Variants in WWC1 observed in about 807,000 individuals in gnomAD.
The protein encoded by WWC1 is WW and C2 domain containing 1.
Under a neutral mutation model 138.4 loss-of-function variants are expected in WWC1, and 55 were observed. That is an observed-to-expected ratio of 0.40 (90% CI 0.32 to 0.50). WWC1 has a LOEUF of 0.50. Ranked by LOEUF, WWC1 falls within the 20% of genes least tolerant of loss-of-function variation. The pLI is 0.72. For synonymous variants in WWC1, 524 were observed against 564.9 expected (o/e 0.93, Z 1.03); for missense variants, 1,226 against 1,420.4 (o/e 0.86, Z 2.20).
chr5:168,303,248 G>T (rs1287158956), intron 1 of WWC1, among the ~76,000 whole-genome samples: 1 of 152,194 alleles, frequency 6.6e-6, no homozygotes, highest in Non-Finnish European at 1.5e-5. Context: ...TTGTTTTGCT[G>T]ACCAAAGCCT....
chr5:168,377,599 C>A (rs1308996554), intron 2 of WWC1, among the ~76,000 whole-genome samples: 1 of 151,666 alleles, frequency 6.6e-6, no homozygotes, highest in Non-Finnish European at 1.5e-5. Context: ...AAACAAATAA[C>A]CCCATTAGAA....
chr5:168,291,988 C>G lies in WWC1; in HGVS notation c.-165C>G. 1 of 716,832 alleles carries G rather than the reference C, an allele frequency of 1.4e-6. No individual in the cohort carries two copies. Among genetic ancestry groups the G allele is most frequent in the Non-Finnish European group, 2.0e-6 (1 of 507,298 alleles). 44.4% of individuals were successfully genotyped at this position (716,832 alleles called of 1,614,324 possible). Reference sequence around the variant, plus strand: ...CGGGGCTGCAGGGCCGCATGGACAGCGGCGCCACCCCGGCCGGCCCCTACT... The same window carrying G: ...CGGGGCTGCAGGGCCGCATGGACAGGGGCGCCACCCCGGCCGGCCCCTACT... On this transcript the variant is annotated 5_prime_UTR_variant, in exon 1 of 23. Transcript: ENST00000265293.
In WWC1 at chr5:168,444,514, G is replaced by A; in HGVS notation, c.2454G>A (p.Leu818=). The A allele has an allele frequency of 1.3e-6, 2 of 1,592,880 alleles. No individual in the cohort carries two copies. Among genetic ancestry groups the A allele is most frequent in the Non-Finnish European group, 1.7e-6 (2 of 1,168,608 alleles). Residue 818 remains leucine, a synonymous_variant, in exon 17 of 23, where the codon TTG becomes TTA. Coordinates refer to ENST00000265293, the MANE Select transcript of WWC1 (RefSeq NM_015238.3). ...TATAGGACGCTGTGTCTGCTCTGTT[G>A]GAACAGACAGCAGTGGAGCTGGAGA... ...PASTDAVSAL[L]EQTAVELEKR... is the part of the protein sequence containing the mutation.
At chr5:168,431,154 C>A in intron 14 of WWC1, 98 bp from the exon 15 acceptor site, 1 of 1,087,992 alleles carries the variant, frequency 9.2e-7, no homozygotes, top group Non-Finnish European at 1.3e-6. Context: ...CTCTCATCCA[C>A]TGTTGTTTGC....
chr5:168,420,151 G>T (rs932139269), intron 9 of WWC1, among the ~76,000 whole-genome samples: 15 of 152,286 alleles, frequency 9.8e-5, no homozygotes, highest in Non-Finnish European at 1.8e-4. Flanking sequence ...AAGATGGTGC[G>T]TGAGTCTACT....
At chr5:168,301,195 T>C (rs1229425318) in intron 1 of WWC1, among the ~76,000 whole-genome samples, 1 of 152,204 alleles carries the variant, frequency 6.6e-6, no homozygotes, top group African/African-American at 2.4e-5. Context: ...AGCTCATTTT[T>C]CCACTATGGA....
intron 17 of WWC1, among the ~76,000 whole-genome samples, chr5:168,448,616 A>ATTTTTTTTTTTTT (rs756135846): frequency 8.5e-6 from 1 of 117,616 alleles, no homozygotes; most frequent in African/African-American, 3.5e-5. Flanking sequence ...CTCAAATAAG[A>ATTTTTTTTTTTTT]TTTTTTTTTT....
intron 8 of WWC1, among the ~76,000 whole-genome samples, chr5:168,410,928 TTG>T: frequency 6.9e-6 from 1 of 145,522 alleles, no homozygotes; most frequent in African/African-American, 2.6e-5. Context: ...TTCATGATCT[TTG>T]CTTTTTTTTT....
chr5:168,364,775 C>A (rs944203150), intron 1 of WWC1, among the ~76,000 whole-genome samples: 1 of 152,118 alleles, frequency 6.6e-6, no homozygotes, highest in East Asian at 1.9e-4. Context: ...ATACCCAGGC[C>A]CCAGAGCCGC....
chr5:168,404,223 A>G (rs1188946102), intron 5 of WWC1, among the ~76,000 whole-genome samples: 1 of 152,166 alleles, frequency 6.6e-6, no homozygotes, highest in Admixed American at 6.5e-5. Context: ...ATATGCTCCA[A>G]CAAACAACAA....
At chr5:168,451,239 C>G (rs1382242500) in intron 17 of WWC1, among the ~76,000 whole-genome samples, 5 of 152,024 alleles carry the variant, frequency 3.3e-5, no homozygotes, top group African/African-American at 1.2e-4. Flanking sequence ...TCAGGCTGGT[C>G]TCGAACTCCT....
intron 17 of WWC1, among the ~76,000 whole-genome samples, chr5:168,451,223 T>C (rs1755786716): frequency 6.6e-6 from 1 of 152,104 alleles, no homozygotes; most frequent in Non-Finnish European, 1.5e-5. Flanking sequence ...GGTTTTATCA[T>C]ATTGGTCAGG....
rs748838797 is a variant in WWC1 at position 168,404,011 on chromosome 5, GTGTTCCCTCTC to G, written c.591-2186_591-2176del. ...CTCCCCACCCAGCTTCATCCCAATAGTGTTCCCTCTCAGAGCCGCTCTCTGGAGCCAAATTC... is the reference window on the plus strand; with the variant it reads ...CTCCCCACCCAGCTTCATCCCAATAGAGAGCCGCTCTCTGGAGCCAAATTC... On this transcript the variant is annotated intron_variant, in intron 5 of 22. Transcript: ENST00000265293. 4.2e-3 allele frequency among the ~76,000 whole-genome samples: 637 copies of G among 151,444 alleles called. 7 individuals are homozygous for G. The highest frequency in any genetic ancestry group is 6.9e-3 in the Non-Finnish European group (467 of 67,906).
rs115940400 is a variant in WWC1 at position 168,431,425 on chromosome 5, G to A, written c.2261G>A (p.Ser754Asn). The A allele has an allele frequency of 3.4e-4, 549 of 1,612,556 alleles. 1 individual carries two copies. The African/African-American group carries it at 6.8e-3, about 20-fold the overall frequency. Reference protein sequence around the residue: ...LRVDVCTTDRSHLEECLGGAQ... With the variant: ...LRVDVCTTDRNHLEECLGGAQ... ...GTCGATGTCTGTACCACCGACAGGA[G>A]CCATCTGGAAGAGTGCCTGGTAAGG... The change falls in exon 15 of 23, where the codon AGC becomes AAC. Residue 754 changes from serine (S) to asparagine (N), a missense_variant. Transcript: ENST00000265293.
intron 11 of WWC1, among the ~76,000 whole-genome samples, chr5:168,427,548 A>ATTTTTTTT (rs34177139): frequency 3.2e-4 from 32 of 101,136 alleles, no homozygotes; most frequent in Non-Finnish European, 3.9e-4. Flanking sequence ...CTTTTTTTTA[A>ATTTTTTTT]TTTTTTTTTT....
intron 2 of WWC1, among the ~76,000 whole-genome samples, chr5:168,377,736 T>C (rs1777326370): frequency 6.6e-6 from 1 of 152,126 alleles, no homozygotes; most frequent in South Asian, 2.1e-4. Context: ...CGAGATACCA[T>C]CTCACACCAG....
intron 1 of WWC1, among the ~76,000 whole-genome samples, chr5:168,332,957 C>T (rs1250203220): frequency 6.6e-6 from 1 of 152,182 alleles, no homozygotes. Context: ...AATCTACCCT[C>T]CTCAGCCTCC....
intron 1 of WWC1, among the ~76,000 whole-genome samples, chr5:168,302,279 C>T (rs1290674300): frequency 2.0e-5 from 3 of 152,154 alleles, no homozygotes; most frequent in South Asian, 2.1e-4. Context: ...TCCCACCCAG[C>T]GGGGGGTTGG....
At chr5:168,416,514 T>C (rs1239426764) in intron 9 of WWC1, 1 of 152,234 alleles carries the variant, frequency 6.6e-6, no homozygotes, top group Non-Finnish European at 1.5e-5. Context: ...AGGTAGACCC[T>C]TACTGGGCCT....
Sources: allele counts gnomAD v4.1 joint callset (sites outside exome capture counted in the v4.1 genomes callset), GRCh38; gene constraint gnomAD v4.1.1; transcripts MANE v1.5; gene names NCBI Gene and HGNC (gene_info 2026-07-23, HGNC 2026-07-21).